Variants in CTNNA2 observed in about 807,000 individuals in gnomAD.
CTNNA2 encodes catenin alpha-2.
CTNNA2 carries 42 observed loss-of-function variants against 101.0 expected under a neutral mutation model. That is an observed-to-expected ratio of 0.42 (90% CI 0.32 to 0.54). CTNNA2 has a LOEUF of 0.54. CTNNA2 is among the 20% of genes least tolerant of loss of function. The pLI is 0.14. For synonymous variants in CTNNA2, 450 were observed against 456.4 expected, an observed-to-expected ratio of 0.99 and a Z score of 0.18; for missense variants, 871 against 1,223.1, an observed-to-expected ratio of 0.71 and a Z score of 4.29.
chr2:80,546,451 TGTTAA>T (rs1158817361), intron 11 of CTNNA2, among the ~76,000 whole-genome samples: 2 of 152,218 alleles, frequency 1.3e-5, no homozygotes, highest in African/African-American at 4.8e-5. Context: ...AATTTGGCTA[TGTTAA>T]GTTTTGTTTT....
chr2:79,377,390 C>T (rs1038738112), intron 4 of CTNNA2, among the ~76,000 whole-genome samples: 2 of 152,200 alleles, frequency 1.3e-5, no homozygotes, highest in Non-Finnish European at 2.9e-5. Flanking sequence ...AAATGATATG[C>T]ACTGAAGTAC....
chr2:80,259,335 A>G (rs1672418294), intron 7 of CTNNA2, among the ~76,000 whole-genome samples: 1 of 152,168 alleles, frequency 6.6e-6, no homozygotes, highest in Admixed American at 6.5e-5. Flanking sequence ...GAGGAGACGG[A>G]ACTGCACAGA....
intron 9 of CTNNA2, among the ~76,000 whole-genome samples, chr2:80,472,181 T>G (rs1264136459): frequency 1.4e-5 from 2 of 148,094 alleles, no homozygotes; most frequent in Non-Finnish European, 3.0e-5. Context: ...CAGATAAGGG[T>G]GGGGCTTGCA....
rs766789808 is a variant in CTNNA2, at chr2:79,747,626, G to A, written c.298+3044G>A. Among the ~76,000 whole-genome samples the A allele has an allele frequency of 2.0e-5, 3 of 152,104 alleles. No individual in the cohort carries two copies. The East Asian group carries it at 5.8e-4, about 29-fold the overall frequency. On this transcript the variant is annotated intron_variant, in intron 3 of 18. Coordinates refer to ENST00000402739, the MANE Select transcript of CTNNA2 (RefSeq NM_001282597.3). ...TTTCACACATTCTGTAGAAACTAAC[G>A]TTTTCATTTTCTTGAAGCTTACATG...
At chr2:80,007,889 G>A (rs1235131775) in intron 7 of CTNNA2, among the ~76,000 whole-genome samples, 4 of 152,152 alleles carry the variant, frequency 2.6e-5, no homozygotes, top group African/African-American at 7.2e-5. Context: ...AGTTACACAC[G>A]TGCTGGGAGA....
chr2:79,256,579 G>A (rs954497190), intron 2 of CTNNA2, among the ~76,000 whole-genome samples: 10 of 152,170 alleles, frequency 6.6e-5, no homozygotes, highest in Non-Finnish European at 1.0e-4. Context: ...ACTATGTTTT[G>A]AATGCACACG....
intron 18 of CTNNA2, among the ~76,000 whole-genome samples, chr2:80,643,374 C>T (rs547317231): frequency 6.6e-6 from 1 of 152,206 alleles, no homozygotes; most frequent in Admixed American, 6.5e-5. Flanking sequence ...CAAGCCTTGT[C>T]TCAGGGCTGG....
intron 4 of CTNNA2, among the ~76,000 whole-genome samples, chr2:79,464,146 C>T (rs926848108): frequency 7.2e-5 from 11 of 152,260 alleles, no homozygotes; most frequent in East Asian, 3.9e-4. Context: ...CATCACCCCA[C>T]GACAGGCCCC....
intron 2 of CTNNA2, among the ~76,000 whole-genome samples, chr2:79,700,095 A>G (rs1009248308): frequency 1.3e-5 from 2 of 151,942 alleles, no homozygotes; most frequent in African/African-American, 2.4e-5. Flanking sequence ...GACACATTAC[A>G]TTATTCAAAT....
At chr2:79,614,888 G>A (rs914618314) in intron 1 of CTNNA2, among the ~76,000 whole-genome samples, 2 of 152,130 alleles carry the variant, frequency 1.3e-5, no homozygotes, top group African/African-American at 4.8e-5. Context: ...TTATGAGATT[G>A]TTTTCAAATT....
chr2:80,516,256 T>G (rs139375587), intron 9 of CTNNA2, among the ~76,000 whole-genome samples: 1 of 152,190 alleles, frequency 6.6e-6, no homozygotes, highest in Non-Finnish European at 1.5e-5. Context: ...ATTGGGTTTT[T>G]TTCTCAGGGC....
intron 3 of CTNNA2, among the ~76,000 whole-genome samples, chr2:79,847,600 G>GAAAGACAA (rs1315998469): frequency 1.0e-4 from 10 of 97,764 alleles, no homozygotes; most frequent in African/African-American, 3.5e-4. Context: ...TGGTTTCCTA[G>GAAAGACAA]AAAGACAAAG....
intron 7 of CTNNA2, among the ~76,000 whole-genome samples, chr2:80,275,862 A>G (rs369037292): frequency 6.6e-5 from 10 of 152,296 alleles, no homozygotes; most frequent in African/African-American, 2.4e-4. Context: ...AATTTACTTA[A>G]TGACATATTA....
At chr2:79,356,247 A>G (rs552592692) in intron 3 of CTNNA2, among the ~76,000 whole-genome samples, 14 of 151,688 alleles carry the variant, frequency 9.2e-5, no homozygotes, top group African/African-American at 2.9e-4. Context: ...TCATTTGTTT[A>G]TTTTCTTTGG....
chr2:79,455,366 G>C (rs546922516), intron 4 of CTNNA2, among the ~76,000 whole-genome samples: 1 of 152,246 alleles, frequency 6.6e-6, no homozygotes, highest in South Asian at 2.1e-4. Flanking sequence ...AGAAAAGTAA[G>C]GTCATCGCAG....
chr2:79,620,704 C>G (rs1304106444), intron 1 of CTNNA2, among the ~76,000 whole-genome samples: 1 of 152,046 alleles, frequency 6.6e-6, no homozygotes, highest in African/African-American at 2.4e-5. Flanking sequence ...TAGGGTAAAC[C>G]AGTGCCCAAA....
chr2:80,316,622 C>G (rs1046781583), intron 7 of CTNNA2, among the ~76,000 whole-genome samples: 3 of 152,168 alleles, frequency 2.0e-5, no homozygotes, highest in Non-Finnish European at 4.4e-5. Flanking sequence ...GAGGAAAAAG[C>G]AATTTTGCAT....
chr2:79,706,672 G>A (rs1317912306), intron 2 of CTNNA2, among the ~76,000 whole-genome samples: 1 of 152,158 alleles, frequency 6.6e-6, no homozygotes, highest in Non-Finnish European at 1.5e-5. Flanking sequence ...AAGAGTCCCA[G>A]ATGGCTGAGG....
chr2:80,264,254 T>G (rs1475251052), intron 7 of CTNNA2, among the ~76,000 whole-genome samples: 1 of 152,080 alleles, frequency 6.6e-6, no homozygotes, highest in Non-Finnish European at 1.5e-5. Flanking sequence ...ATTTTGCTAT[T>G]TAACGATATT....
Sources: allele counts gnomAD v4.1 joint callset (sites outside exome capture counted in the v4.1 genomes callset), GRCh38; gene constraint gnomAD v4.1.1; transcripts MANE v1.5; gene names NCBI Gene and HGNC (gene_info 2026-07-23, HGNC 2026-07-21).